BNC2: variants seen among roughly 807,000 people sequenced by gnomAD.
The protein encoded by BNC2 is basonuclin zinc finger protein 2, also known as zinc finger protein basonuclin-2.
In BNC2, 20 loss-of-function variants were observed where a neutral mutation model predicts 76.3. The observed-to-expected ratio is 0.26, with a 90% CI of 0.18 to 0.38. The LOEUF is 0.38. Among genes scored for constraint, BNC2 ranks in the 10% least tolerant of loss-of-function variants. BNC2 has a pLI of 1.00. For missense variants in BNC2, 1,382 were observed against 1,399.8 expected (o/e 0.99, Z 0.20); for synonymous variants, 582 against 514.8 (o/e 1.13, Z -1.77).
At chr9:16,689,158 G>C (rs1199126379) in intron 3 of BNC2, among the ~76,000 whole-genome samples, 2 of 67,734 alleles carry the variant, frequency 3.0e-5, no homozygotes, top group African/African-American at 1.3e-4. Flanking sequence ...TGTTTACTGA[G>C]ATCACAAAAA....
intron 1 of BNC2, among the ~76,000 whole-genome samples, chr9:16,857,664 A>C (rs1380898947): frequency 6.6e-6 from 1 of 152,156 alleles, no homozygotes; most frequent in African/African-American, 2.4e-5. Flanking sequence ...CTTTGTATAA[A>C]TTTGAACAGT....
intron 5 of BNC2, among the ~76,000 whole-genome samples, chr9:16,512,746 A>G (rs550105522): frequency 6.6e-6 from 1 of 152,360 alleles, no homozygotes; most frequent in East Asian, 1.9e-4. Context: ...TCATCAAATA[A>G]AACAATCATC....
chr9:16,522,281 T>C (rs920525789), intron 5 of BNC2, among the ~76,000 whole-genome samples: 1 of 152,124 alleles, frequency 6.6e-6, no homozygotes, highest in African/African-American at 2.4e-5. Flanking sequence ...GACAAAACAT[T>C]AGCAGAAATG....
chr9:16,640,530 G>A (rs1821462413), intron 3 of BNC2, among the ~76,000 whole-genome samples: 1 of 152,158 alleles, frequency 6.6e-6, no homozygotes, highest in South Asian at 2.1e-4. Flanking sequence ...GAGTCCTCCT[G>A]TTCTTATTGC....
At chr9:16,478,774 A>G (rs897095822) in intron 5 of BNC2, among the ~76,000 whole-genome samples, 67 of 152,286 alleles carry the variant, frequency 4.4e-4, no homozygotes, top group African/African-American at 1.4e-3. Context: ...TCAAAAAGGA[A>G]TGTCAGTGTG....
At chr9:16,633,027 T>C (rs942064292) in intron 3 of BNC2, among the ~76,000 whole-genome samples, 5 of 152,212 alleles carry the variant, frequency 3.3e-5, no homozygotes, top group African/African-American at 1.2e-4. Context: ...ATATTTAGCA[T>C]GAAGAGGAGC....
intron 5 of BNC2, among the ~76,000 whole-genome samples, chr9:16,528,986 G>A (rs903180456): frequency 6.6e-6 from 1 of 152,164 alleles, no homozygotes; most frequent in East Asian, 1.9e-4. Flanking sequence ...CCACTCAGAG[G>A]CTCTGGGAAA....
chr9:16,805,736 C>G (rs973737771), intron 1 of BNC2, among the ~76,000 whole-genome samples: 1 of 151,790 alleles, frequency 6.6e-6, no homozygotes, highest in Admixed American at 6.6e-5. Flanking sequence ...CACACACACA[C>G]GCAAACACAG....
At chr9:16,676,503 T>C (rs369076305) in intron 3 of BNC2, among the ~76,000 whole-genome samples, 112 of 152,364 alleles carry the variant, frequency 7.4e-4, no homozygotes, top group African/African-American at 2.6e-3. Context: ...TACTGGCAGT[T>C]GCCAACATGA....
chr9:16,492,225 A>G (rs1822294111), intron 5 of BNC2, among the ~76,000 whole-genome samples: 1 of 151,972 alleles, frequency 6.6e-6, no homozygotes, highest in South Asian at 2.1e-4. Flanking sequence ...GGAGGATTGG[A>G]TGATTCTACA....
At chr9:16,484,766 C>G (rs548012350) in intron 5 of BNC2, among the ~76,000 whole-genome samples, 54 of 152,284 alleles carry the variant, frequency 3.5e-4, no homozygotes, top group African/African-American at 1.0e-3. Context: ...CCTATATGTT[C>G]TCATTGTTTA....
chr9:16,632,309 G>C (rs1316673659), intron 3 of BNC2, among the ~76,000 whole-genome samples: 1 of 151,970 alleles, frequency 6.6e-6, no homozygotes, highest in Non-Finnish European at 1.5e-5. Context: ...GTCCCTCCAG[G>C]AGTTCACTTT....
chr9:16,567,846 AATAAG>A (rs1216104688), intron 4 of BNC2, among the ~76,000 whole-genome samples: 2 of 152,180 alleles, frequency 1.3e-5, no homozygotes, highest in African/African-American at 4.8e-5. Context: ...GCAGCCATTC[AATAAG>A]ATAAGAAGTA....
At chr9:16,447,713 A>G (rs913879225) in intron 5 of BNC2, among the ~76,000 whole-genome samples, 1 of 152,070 alleles carries the variant, frequency 6.6e-6, no homozygotes, top group African/African-American at 2.4e-5. Context: ...GAAACTGCCC[A>G]AAGACTCCCT....
intron 1 of BNC2, among the ~76,000 whole-genome samples, chr9:16,853,698 C>G (rs1274960551): frequency 6.6e-6 from 1 of 152,068 alleles, no homozygotes; most frequent in Non-Finnish European, 1.5e-5. Context: ...GAAACCCTGT[C>G]TGTACTAAAA....
Position 16,822,714 on chromosome 9 carries a change from C to A in BNC2, c.3+47932G>T, listed in dbSNP as rs550213636. Reference sequence around the variant, plus strand: ...TCAGATTTTTTTAAAAGCTGTGTGACAAGTAAGTAAAGATTAATGTGGTGT... The same window carrying A: ...TCAGATTTTTTTAAAAGCTGTGTGAAAAGTAAGTAAAGATTAATGTGGTGT... On this transcript the variant is annotated intron_variant, in intron 1 of 6. Transcript: ENST00000380672. 4.6e-5 allele frequency among the ~76,000 whole-genome samples: 7 copies of A among 152,184 alleles called. No individual in the cohort carries two copies. The South Asian group carries it at 1.0e-3, about 23-fold the overall frequency.
At chr9:16,423,926 C>T (rs1309468715) in intron 6 of BNC2, among the ~76,000 whole-genome samples, 2 of 152,108 alleles carry the variant, frequency 1.3e-5, no homozygotes, top group Non-Finnish European at 1.5e-5. Flanking sequence ...AAACCTTGGA[C>T]TGAGGGGAGG....
chr9:16,809,026 A>G (rs1052349382), intron 1 of BNC2, among the ~76,000 whole-genome samples: 2 of 152,156 alleles, frequency 1.3e-5, no homozygotes, highest in Non-Finnish European at 2.9e-5. Context: ...CAGCTCATTC[A>G]CAGACTTGGA....
intron 1 of BNC2, among the ~76,000 whole-genome samples, chr9:16,823,644 C>T (rs1818390598): frequency 1.3e-5 from 2 of 151,332 alleles, no homozygotes; most frequent in East Asian, 1.9e-4. Flanking sequence ...TGTAACTTAA[C>T]AAAAACAATT....
Sources: gnomAD v4.1 joint callset for allele counts (sites outside exome capture counted in the v4.1 genomes callset) on GRCh38, gnomAD v4.1.1 for gene constraint, MANE v1.5 for transcripts, NCBI Gene and HGNC (gene_info 2026-07-23, HGNC 2026-07-21) for gene names.